The following SIMC1 variants were observed in gnomAD, a reference collection of about 807,000 sequenced individuals.
The protein encoded by SIMC1 is SUMO-interacting motif-containing protein 1.
Under a neutral mutation model 82.3 loss-of-function variants are expected in SIMC1, and 55 were observed. That is an observed-to-expected ratio of 0.67 (90% CI 0.54 to 0.84). The LOEUF is 0.84. SIMC1 is among the 40% of genes least tolerant of loss of function. SIMC1 has a pLI of 0.00. For synonymous variants in SIMC1, 353 were observed against 426.3 expected (o/e 0.83, Z 2.12); for missense variants, 915 against 1,107.2 (o/e 0.83, Z 2.46).
At chr5:176,274,443 A>C (rs1395072896) in intron 1 of SIMC1, among the ~76,000 whole-genome samples, 8 of 151,532 alleles carry the variant, frequency 5.3e-5, no homozygotes, top group Non-Finnish European at 1.0e-4. Context: ...AATTTTCTCC[A>C]ATTTTGTGGG....
At chr5:176,320,388 C>T (rs1172514946) in intron 5 of SIMC1, among the ~76,000 whole-genome samples, 2 of 149,926 alleles carry the variant, frequency 1.3e-5, no homozygotes, top group Non-Finnish European at 3.0e-5. Context: ...TATTTTGAGG[C>T]GGAGTCTCAC....
At chr5:176,322,211 TA>T in intron 5 of SIMC1, 61 bp from the exon 6 acceptor site, 5 of 1,485,476 alleles carry the variant, frequency 3.4e-6, no homozygotes, top group Admixed American at 2.5e-5. Context: ...TTTCTTTCTT[TA>T]TTTTTTTTTT....
intron 1 of SIMC1, among the ~76,000 whole-genome samples, chr5:176,288,419 G>A (rs1389594177): frequency 3.1e-4 from 32 of 104,484 alleles, no homozygotes; most frequent in Non-Finnish European, 5.8e-4. Context: ...AAGAATGAAT[G>A]AATGAATAAA....
At chr5:176,300,022 G>C (rs1483022940) in intron 4 of SIMC1, among the ~76,000 whole-genome samples, 2 of 151,982 alleles carry the variant, frequency 1.3e-5, no homozygotes, top group Non-Finnish European at 2.9e-5. Context: ...ACACAACAAT[G>C]GTTCAGAGAA....
intron 4 of SIMC1, among the ~76,000 whole-genome samples, chr5:176,304,867 G>A (rs1764224129): frequency 6.7e-6 from 1 of 149,738 alleles, no homozygotes; most frequent in Admixed American, 6.6e-5. Context: ...GAGCGCCTCT[G>A]CCTGGCCGAG....
intron 5 of SIMC1, among the ~76,000 whole-genome samples, chr5:176,321,646 C>CT (rs1212352969): frequency 6.6e-6 from 1 of 152,050 alleles, no homozygotes; most frequent in African/African-American, 2.4e-5. Flanking sequence ...ACCTTATTAA[C>CT]TTGTAGAGCC....
At chr5:176,252,886 C>A (rs1761727990) in intron 1 of SIMC1, among the ~76,000 whole-genome samples, 1 of 152,218 alleles carries the variant, frequency 6.6e-6, no homozygotes, top group African/African-American at 2.4e-5. Context: ...GTCTGCAATC[C>A]CAGCACCTCG....
At chr5:176,252,343 CG>C (rs1189819010) in intron 1 of SIMC1, among the ~76,000 whole-genome samples, 1 of 147,446 alleles carries the variant, frequency 6.8e-6, no homozygotes, top group Non-Finnish European at 1.5e-5. Context: ...ACTTCCCAGA[CG>C]GGGTGGCTGC....
At chr5:176,267,733 G>GTTTTT (rs1159766316) in intron 1 of SIMC1, among the ~76,000 whole-genome samples, 2 of 27,236 alleles carry the variant, frequency 7.3e-5, no homozygotes, top group African/African-American at 4.1e-4. Context: ...TTTTCTTTCT[G>GTTTTT]TTTTTTTTTT....
intron 5 of SIMC1, among the ~76,000 whole-genome samples, chr5:176,321,110 T>C (rs1765137980): frequency 6.6e-6 from 1 of 152,164 alleles, no homozygotes; most frequent in South Asian, 2.1e-4. Flanking sequence ...TTCATTTCTT[T>C]CCTTTCTATG....
At chr5:176,331,216 G>A (rs1215522182) in intron 7 of SIMC1, among the ~76,000 whole-genome samples, 2 of 151,602 alleles carry the variant, frequency 1.3e-5, no homozygotes, top group African/African-American at 4.8e-5. Flanking sequence ...TAAAAATACA[G>A]AAAATTAGCC....
intron 1 of SIMC1, among the ~76,000 whole-genome samples, chr5:176,274,765 C>T (rs955506511): frequency 3.3e-5 from 5 of 151,870 alleles, no homozygotes; most frequent in African/African-American, 1.2e-4. Context: ...ACTAGGGAAT[C>T]CTTTCCCCAT....
chr5:176,281,495 A>G (rs1763004968), intron 1 of SIMC1, among the ~76,000 whole-genome samples: 1 of 152,102 alleles, frequency 6.6e-6, no homozygotes, highest in Non-Finnish European at 1.5e-5. Flanking sequence ...TTGGAGGAGG[A>G]GAGGTGCTCT....
At chr5:176,288,886 T>C (rs544740039) in intron 1 of SIMC1, among the ~76,000 whole-genome samples, 1 of 152,234 alleles carries the variant, frequency 6.6e-6, no homozygotes, top group Non-Finnish European at 1.5e-5. Context: ...ACCTCTGTAC[T>C]GTATCATTAG....
At chr5:176,243,822 A>G (rs1237657237) in intron 1 of SIMC1, among the ~76,000 whole-genome samples, 1 of 151,344 alleles carries the variant, frequency 6.6e-6, no homozygotes, top group Non-Finnish European at 1.5e-5. Context: ...CCTAGCCTTG[A>G]TTTACATTTT....
chr5:176,289,503 A>G (rs924919219), intron 1 of SIMC1, 151 bp from the exon 2 acceptor site: 2 of 628,314 alleles, frequency 3.2e-6, no homozygotes, highest in African/African-American at 3.7e-5. Flanking sequence ...AGCTTTGGCA[A>G]TACTATTGCT....
intron 5 of SIMC1, among the ~76,000 whole-genome samples, chr5:176,321,472 T>A (rs1192920045): frequency 2.0e-5 from 3 of 152,048 alleles, no homozygotes; most frequent in Non-Finnish European, 4.4e-5. Context: ...GCTATTCATC[T>A]TCTCTCCTCT....
intron 2 of SIMC1, among the ~76,000 whole-genome samples, chr5:176,291,188 G>A (rs1253428674): frequency 9.4e-6 from 1 of 106,726 alleles, no homozygotes; most frequent in Non-Finnish European, 1.8e-5. Flanking sequence ...TTTTGAGACC[G>A]AGTCTTGCTC....
chr5:176,335,566 C>T (rs1765856514), intron 7 of SIMC1, among the ~76,000 whole-genome samples: 1 of 151,778 alleles, frequency 6.6e-6, no homozygotes, highest in South Asian at 2.1e-4. Context: ...GCATGAGCCA[C>T]CACGCCCGGC....
Sources: allele counts gnomAD v4.1 joint callset (sites outside exome capture counted in the v4.1 genomes callset), GRCh38; gene constraint gnomAD v4.1.1; transcripts MANE v1.5; gene names NCBI Gene and HGNC (gene_info 2026-07-23, HGNC 2026-07-21).